PIWIL2: variants seen among roughly 807,000 people sequenced by gnomAD.
PIWIL2 encodes piwi like RNA-mediated gene silencing 2.
PIWIL2 carries 81 observed loss-of-function variants against 116.5 expected under a neutral mutation model. The observed-to-expected ratio is 0.70, with a 90% confidence interval of 0.58 to 0.84. The LOEUF (loss-of-function observed/expected upper bound fraction) is 0.84. Among genes scored for constraint, PIWIL2 ranks in the 40% least tolerant of loss-of-function variants. The pLI, the probability that PIWIL2 is intolerant of heterozygous loss-of-function variation, is 0.00. For synonymous variants in PIWIL2, 489 were observed against 429.5 expected, an observed-to-expected ratio of 1.14 and a Z score of -1.71; for missense variants, 1,272 against 1,212.3, an observed-to-expected ratio of 1.05 and a Z score of -0.73.
intron 10 of PIWIL2, among the ~76,000 whole-genome samples, chr8:22,299,765 C>T (rs1439665910): frequency 6.6e-6 from 1 of 152,122 alleles, no homozygotes; most frequent in Non-Finnish European, 1.5e-5. Context: ...GCCATTGCCC[C>T]AAAATGTTCT....
rs752769447 is a variant in PIWIL2 at position 22,279,572 on chromosome 8, G to A, written c.186G>A (p.Gly62=). The change falls in exon 2 of 23, where the codon GGG becomes GGA. Residue 62 remains glycine (G), a synonymous_variant. Transcript: ENST00000356766. ...GKPEEPSTQR[G]PAQRESVGLV... is the part of the protein sequence containing the mutation. Reference sequence around the variant, plus strand: ...CAGAGGAACCAAGCACACAGAGGGGGCCAGCACAAAGGGTAAGACCACTTC... The same window carrying A: ...CAGAGGAACCAAGCACACAGAGGGGACCAGCACAAAGGGTAAGACCACTTC... The A allele has an allele frequency of 1.9e-6, 3 of 1,614,104 alleles. No individual in the cohort carries two copies. Among genetic ancestry groups the A allele is most frequent in the Non-Finnish European group, 2.5e-6 (3 of 1,179,948 alleles).
rs1831455397 is a variant in PIWIL2 at position 22,316,244 on chromosome 8, G to C, written c.2209-1G>C. On this transcript the variant is annotated splice_acceptor_variant, in intron 18 of 22. Transcript: ENST00000356766. LOFTEE classifies it high-confidence loss of function. ...GTTTTTGTTTTTGTTTTCTAAACTA[G>C]AAACAGTTAATGGTGATCGGGATGG... 6.2e-7 allele frequency: 1 copy of C among 1,605,800 alleles called. No homozygotes were observed. Among genetic ancestry groups the C allele is most frequent in the Non-Finnish European group, 8.5e-7 (1 of 1,172,576 alleles).
chr8:22,281,236 G>T, intron 3 of PIWIL2, 29 bp downstream of exon 3: 1 of 1,564,822 alleles, frequency 6.4e-7, no homozygotes, highest in Non-Finnish European at 8.7e-7. Context: ...TGAGAAATTT[G>T]GTGGTATGTA....
At chr8:22,316,181 TA>T in intron 18 of PIWIL2, 63 bp from the exon 19 acceptor site, 1 of 974,152 alleles carries the variant, frequency 1.0e-6, no homozygotes, top group Non-Finnish European at 1.7e-6. Context: ...AGACAGTAAT[TA>T]AAAATGGAGG....
At chr8:22,289,472 A>G (rs146959110) in intron 8 of PIWIL2, among the ~76,000 whole-genome samples, 52 of 152,272 alleles carry the variant, frequency 3.4e-4, no homozygotes, top group African/African-American at 1.2e-3. Flanking sequence ...ATTTCTACCT[A>G]GTAAGTTGAA....
intron 20 of PIWIL2, among the ~76,000 whole-genome samples, chr8:22,342,423 G>C (rs1832131694): frequency 6.6e-6 from 1 of 152,168 alleles, no homozygotes; most frequent in Admixed American, 6.5e-5. Flanking sequence ...TTGATGAAAA[G>C]ACAGCCGGAT....
At chr8:22,288,171 G>A (rs1037735118) in intron 7 of PIWIL2, among the ~76,000 whole-genome samples, 5 of 151,968 alleles carry the variant, frequency 3.3e-5, no homozygotes, top group Non-Finnish European at 7.4e-5. Context: ...GGTGGCAGGC[G>A]CCTGTAGTCC....
chr8:22,316,456 T>G, intron 19 of PIWIL2, 123 bp downstream of exon 19: 1 of 670,116 alleles, frequency 1.5e-6, no homozygotes, highest in South Asian at 1.8e-5. Context: ...AACATTTTCT[T>G]CCTCTATCTT....
At chr8:22,278,714 A>G (rs1038164477) in intron 1 of PIWIL2, among the ~76,000 whole-genome samples, 2 of 152,196 alleles carry the variant, frequency 1.3e-5, no homozygotes, top group African/African-American at 4.8e-5. Flanking sequence ...AGATTGGCAA[A>G]TGAGCAAAGC....
chr8:22,305,857 A>G (rs1831163366), intron 12 of PIWIL2, 70 bp from the exon 13 acceptor site: 1 of 1,084,458 alleles, frequency 9.2e-7, no homozygotes. Context: ...TGGCCATGAC[A>G]TGTCCTGTAT....
At chr8:22,300,653 A>G (rs1241887988) in intron 10 of PIWIL2, among the ~76,000 whole-genome samples, 2 of 152,330 alleles carry the variant, frequency 1.3e-5, no homozygotes, top group East Asian at 3.9e-4. Flanking sequence ...CCACATTCTC[A>G]CGAATACTTG....
At chr8:22,305,569 T>C (rs1452387409) in intron 12 of PIWIL2, among the ~76,000 whole-genome samples, 1 of 152,114 alleles carries the variant, frequency 6.6e-6, no homozygotes, top group Non-Finnish European at 1.5e-5. Context: ...AATGTGAAGA[T>C]TGAAGACCAG....
chr8:22,279,574 C>G lies in PIWIL2; in HGVS notation c.188C>G (p.Pro63Arg). 1 of 1,614,048 alleles carries G rather than the reference C, an allele frequency of 6.2e-7. No individual in the cohort carries two copies. Among genetic ancestry groups the G allele is most frequent in the East Asian group, 2.2e-5 (1 of 44,880 alleles). ...KPEEPSTQRG[P>R]AQRESVGLVS... The stretch of plus-strand genomic sequence containing the variant: ...GAGGAACCAAGCACACAGAGGGGGC[C>G]AGCACAAAGGGTAAGACCACTTCCG... The change falls in exon 2 of 23, where the codon CCA (proline) becomes CGA (arginine). Residue 63 changes from proline (P) to arginine (R), a missense_variant. Transcript: ENST00000356766.
rs931096325 is a variant in PIWIL2 at position 22,355,923 on chromosome 8, A to G, written c.*418A>G. The G allele has an allele frequency of 3.4e-5, 6 of 176,840 alleles. No homozygotes were observed. The highest frequency in any genetic ancestry group is 3.2e-4 in the Admixed American group (6 of 18,486). The allele number at this position is 176,840 out of a possible 1,614,324, so 11.0% of individuals were successfully genotyped here. On this transcript the variant is annotated 3_prime_UTR_variant, in exon 23 of 23. Coordinates refer to ENST00000356766, the MANE Select transcript of PIWIL2 (RefSeq NM_018068.5). ...CCCGTCTCTACTAAAATACAAAAAAATTAGCCGGGTGTGGCGGTGCACGCC... is the reference window on the plus strand; with the variant it reads ...CCCGTCTCTACTAAAATACAAAAAAGTTAGCCGGGTGTGGCGGTGCACGCC...
At chr8:22,293,044 TGTCTTC>T (rs1830800328) in intron 10 of PIWIL2, among the ~76,000 whole-genome samples, 3 of 152,268 alleles carry the variant, frequency 2.0e-5, no homozygotes, top group African/African-American at 7.2e-5. Context: ...TAAAAGTATA[TGTCTTC>T]AAATCGGCTA....
At position 22,356,494 on chromosome 8, in the gene PIWIL2, T is replaced by C. The variant is rs939815282; in HGVS notation, c.*989T>C. ...ACCATGACGATTTCTTCCCCAAATATACACATGCTCTTTTGCTCTTTGTGC... is the reference window on the plus strand; with the variant it reads ...ACCATGACGATTTCTTCCCCAAATACACACATGCTCTTTTGCTCTTTGTGC... On this transcript the variant is annotated 3_prime_UTR_variant, in exon 23 of 23. Coordinates refer to ENST00000356766, the MANE Select transcript of PIWIL2 (RefSeq NM_018068.5). 3.3e-5 allele frequency: 5 copies of C among 152,220 alleles called. No homozygotes were observed. Among genetic ancestry groups the C allele is most frequent in the African/African-American group, 9.6e-5 (4 of 41,468 alleles). The allele number at this position is 152,220 out of a possible 1,614,324, so 9.4% of individuals were successfully genotyped here.
intron 10 of PIWIL2, among the ~76,000 whole-genome samples, chr8:22,299,507 CAAT>C (rs1830994775): frequency 6.6e-6 from 1 of 152,014 alleles, no homozygotes; most frequent in Non-Finnish European, 1.5e-5. Context: ...CGCGCCCAGT[CAAT>C]GATCTTTTTT....
At chr8:22,301,373 A>T (rs1232842483) in intron 10 of PIWIL2, among the ~76,000 whole-genome samples, 1 of 151,920 alleles carries the variant, frequency 6.6e-6, no homozygotes, top group Non-Finnish European at 1.5e-5. Flanking sequence ...ATCTCAGCTC[A>T]CGGTAGCCTC....
At chr8:22,352,381 T>C (rs1832392912) in intron 20 of PIWIL2, among the ~76,000 whole-genome samples, 1 of 152,242 alleles carries the variant, frequency 6.6e-6, no homozygotes, top group South Asian at 2.1e-4. Flanking sequence ...AGCTAGCTGT[T>C]TGCTAATTAC....
Sources: allele counts gnomAD v4.1 joint callset (sites outside exome capture counted in the v4.1 genomes callset), GRCh38; gene constraint gnomAD v4.1.1; transcripts MANE v1.5; gene names NCBI Gene and HGNC (gene_info 2026-07-23, HGNC 2026-07-21).